The following ANKHD1 variants were observed in gnomAD, a reference collection of about 807,000 sequenced individuals.
The protein encoded by ANKHD1 is ankyrin repeat and KH domain containing 1, also known as ankyrin repeat and KH domain-containing protein 1.
ANKHD1 carries 31 observed loss-of-function variants against 230.5 expected under a neutral mutation model. The ratio of observed to expected loss-of-function variants is 0.13; its 90% CI spans 0.10 to 0.18. The LOEUF (loss-of-function observed/expected upper bound fraction) is 0.18, where lower values mean the gene tolerates loss of function less well. Among genes scored for constraint, ANKHD1 ranks in the 10% least tolerant of loss-of-function variants. ANKHD1 has a pLI of 1.00. For missense variants in ANKHD1, 2,256 were observed against 3,071.3 expected (o/e 0.73, Z 6.27); for synonymous variants, 1,074 against 1,117.6 (o/e 0.96, Z 0.78).
chr5:140,533,465 C>T (rs1395207481), intron 29 of ANKHD1, among the ~76,000 whole-genome samples: 2 of 151,888 alleles, frequency 1.3e-5, no homozygotes, highest in Non-Finnish European at 2.9e-5. Flanking sequence ...CAGGCGTGGT[C>T]GCAGGCACCT....
Position 140,527,788 on chromosome 5 carries a change from T to C in ANKHD1, c.5088-85T>C, listed in dbSNP as rs2127087393. 1 of 1,368,206 alleles carries C rather than the reference T, an allele frequency of 7.3e-7. No homozygotes were observed. The highest frequency in any genetic ancestry group is 9.5e-7 in the Non-Finnish European group (1 of 1,047,430). 84.8% of individuals were successfully genotyped at this position (1,368,206 alleles called of 1,614,324 possible). On this transcript the variant is annotated intron_variant, in intron 27 of 33. Coordinates refer to ENST00000360839, the MANE Select transcript of ANKHD1 (RefSeq NM_017747.3). The surrounding 1 kb of genome is among the most constrained non-coding windows in gnomAD (Gnocchi z 4.5). ...ATTTAAGAAATGTTATTCTCCAAAA[T>C]GTCCATGAACATACTTACTAAGACA...
rs1437349118 is a variant in ANKHD1, at chr5:140,482,571, C to A, written c.1783-9C>A. ...CATTGATGGATTATTTTTTCCATTT[C>A]TTTAACAGGAACATGAATCTGAAGG... On this transcript the variant is annotated splice_polypyrimidine_tract_variant and intron_variant, in intron 10 of 33. Coordinates refer to ENST00000360839, the MANE Select transcript of ANKHD1 (RefSeq NM_017747.3). The A allele has an allele frequency of 2.5e-6, 4 of 1,608,826 alleles. No homozygotes were observed. Among genetic ancestry groups the A allele is most frequent in the Non-Finnish European group, 2.5e-6 (3 of 1,178,120 alleles).
chr5:140,469,557 T>C (rs1387684752), intron 10 of ANKHD1, among the ~76,000 whole-genome samples: 2 of 151,978 alleles, frequency 1.3e-5, no homozygotes, highest in Non-Finnish European at 2.9e-5. Flanking sequence ...ATTAGCCCTA[T>C]TAATTGCTCC....
At chr5:140,525,357 G>C (rs1242093009) in intron 25 of ANKHD1, among the ~76,000 whole-genome samples, 1 of 151,722 alleles carries the variant, frequency 6.6e-6, no homozygotes, top group Admixed American at 6.6e-5. Context: ...CTGCCCCCCA[G>C]GTTCAGGTGA....
chr5:140,442,698 T>C (rs1280050070), intron 5 of ANKHD1, among the ~76,000 whole-genome samples: 2 of 152,200 alleles, frequency 1.3e-5, no homozygotes, highest in African/African-American at 2.4e-5. Flanking sequence ...GAAAATAATA[T>C]ATGCTCATTG....
chr5:140,403,283 T>C (rs1319209956), intron 1 of ANKHD1, among the ~76,000 whole-genome samples: 1 of 152,182 alleles, frequency 6.6e-6, no homozygotes, highest in Non-Finnish European at 1.5e-5. Flanking sequence ...ACCTTCACTC[T>C]GCCTTTGCAG....
intron 24 of ANKHD1, among the ~76,000 whole-genome samples, chr5:140,513,924 G>C (rs1039576043): frequency 1.3e-5 from 2 of 151,604 alleles, no homozygotes; most frequent in Non-Finnish European, 2.9e-5. Flanking sequence ...TCAACATAGA[G>C]AGGATGGCCT....
At position 140,440,106 on chromosome 5, in the gene ANKHD1, G is replaced by C. The variant is rs1773744608; in HGVS notation, c.618-13G>C. ...TTTTGTTTCGGTTAATTGTTGAATG[G>C]TTTTGTTTCCAGTCGCAGTCTAGCA... On this transcript the variant is annotated splice_polypyrimidine_tract_variant and intron_variant, in intron 3 of 33. Coordinates refer to ENST00000360839, the MANE Select transcript of ANKHD1 (RefSeq NM_017747.3). The C allele has an allele frequency of 6.3e-7, 1 of 1,591,818 alleles. No individual in the cohort carries two copies. Among genetic ancestry groups the C allele is most frequent in the Non-Finnish European group, 8.6e-7 (1 of 1,169,374 alleles).
At position 140,507,656 on chromosome 5, in the gene ANKHD1, G is replaced by A. The variant is rs192285665; in HGVS notation, c.3552-129G>A. 264 of 1,156,992 alleles carry A rather than the reference G, an allele frequency of 2.3e-4. 1 individual carries two copies. In the African/African-American group the frequency reaches 3.7e-3, roughly 16 times the overall value. The allele number at this position is 1,156,992 out of a possible 1,614,324, so 71.7% of individuals were successfully genotyped here. A position where few individuals can be genotyped will look rare whatever the true frequency, so the allele number is the denominator to read the frequency against. On this transcript the variant is annotated intron_variant, in intron 19 of 33. Coordinates refer to ENST00000360839, the MANE Select transcript of ANKHD1 (RefSeq NM_017747.3). The surrounding 1 kb of genome is among the most constrained non-coding windows in gnomAD (Gnocchi z 4.1). ...ATTTTCTTATTCTTTATTATTGGTCGAAACAAGTAAAATCTATTCATTGAT... is the reference window on the plus strand; with the variant it reads ...ATTTTCTTATTCTTTATTATTGGTCAAAACAAGTAAAATCTATTCATTGAT...
rs1399614017 is a variant in ANKHD1 at position 140,487,027 on chromosome 5, G to A, written c.2212G>A (p.Glu738Lys). ...CCAGGAACCTGACAGAACTTCACAGGAGAACTCTCCTGCCCTTTTAGGAGT... is the reference window on the plus strand; with the variant it reads ...CCAGGAACCTGACAGAACTTCACAGAAGAACTCTCCTGCCCTTTTAGGAGT... ...PPQEPDRTSQ[E>K]NSPALLGVQK... Residue 738 changes from glutamate (E) to lysine (K), a missense_variant, in exon 14 of 34, where the codon GAG becomes AAG. Glu to Lys is a moderately conservative substitution (Grantham distance 56). Around this residue, in one of 13 missense-constraint regions of ANKHD1, gnomAD observed 358 missense variants for 397.7 expected, o/e 0.90. Coordinates refer to ENST00000360839, the MANE Select transcript of ANKHD1 (RefSeq NM_017747.3). 7 of 1,613,304 alleles carry A rather than the reference G, an allele frequency of 4.3e-6. No individual in the cohort carries two copies. Among genetic ancestry groups the A allele is most frequent in the Non-Finnish European group, 5.9e-6 (7 of 1,179,602 alleles).
In ANKHD1 at chr5:140,510,110, G is replaced by T. The variant is rs774627679; in HGVS notation, c.4033G>T (p.Val1345Leu). ...GGHFDVVQLLVQAGADVDAAD... is the reference protein window; with the variant it reads ...GGHFDVVQLLLQAGADVDAAD... ...TCATTTTGATGTTGTGCAGTTGCTA[G>T]TGCAAGCAGGTGCTGATGTGGATGC... is the stretch of plus-strand genomic sequence containing the variant. The change falls in exon 22 of 34, where the codon GTG becomes TTG. Residue 1345 changes from valine (V) to leucine (L), a missense_variant. Physicochemically the swap from Val to Leu is conservative, Grantham distance 32 (BLOSUM62 1). Transcript: ENST00000360839. 6.2e-7 allele frequency: 1 copy of T among 1,614,096 alleles called. No homozygotes were observed. The highest frequency in any genetic ancestry group is 1.1e-5 in the South Asian group (1 of 91,078).
intron 25 of ANKHD1, among the ~76,000 whole-genome samples, 200 bp downstream of exon 25, chr5:140,524,440 G>C (rs375888253): frequency 6.6e-6 from 1 of 152,190 alleles, no homozygotes; most frequent in Non-Finnish European, 1.5e-5. Context: ...GAAAACAAGC[G>C]CATAATTTGA....
chr5:140,409,639 A>G (rs1046947719), intron 1 of ANKHD1, among the ~76,000 whole-genome samples: 2 of 148,310 alleles, frequency 1.3e-5, no homozygotes, highest in East Asian at 3.9e-4. Flanking sequence ...TGCAGCCTCC[A>G]CCTCCTGGGT....
At position 140,401,861 on chromosome 5, in the gene ANKHD1, G is replaced by C; in HGVS notation, c.-107G>C. ...GAGAAGTTAGTGGCGCTGCTGGGAC[G>C]GGGGAAAGGAGACGCTTCTTCCTCT... is the stretch of plus-strand genomic sequence containing the variant. On this transcript the variant is annotated 5_prime_UTR_variant, in exon 1 of 34. Coordinates refer to ENST00000360839, the MANE Select transcript of ANKHD1 (RefSeq NM_017747.3). 3.5e-6 allele frequency: 5 copies of C among 1,415,246 alleles called. No individual in the cohort carries two copies. The highest frequency in any genetic ancestry group is 1.6e-5 in the South Asian group (1 of 63,690). 87.7% of individuals were successfully genotyped at this position (1,415,246 alleles called of 1,614,324 possible).
chr5:140,525,945 G>C, intron 25 of ANKHD1, 51 bp from the exon 26 acceptor site: 5 of 1,514,346 alleles, frequency 3.3e-6, no homozygotes, highest in Non-Finnish European at 4.4e-6. Context: ...GTCAGAATTT[G>C]TTTTGAGATC....
intron 14 of ANKHD1, among the ~76,000 whole-genome samples, chr5:140,487,594 A>G (rs1268561391): frequency 1.3e-5 from 2 of 152,232 alleles, no homozygotes; most frequent in South Asian, 2.1e-4. Context: ...CCAAATGACT[A>G]TTAAGAAGGA....
chr5:140,526,535 G>A (rs566868784), intron 26 of ANKHD1, 92 bp downstream of exon 26: 5 of 1,453,790 alleles, frequency 3.4e-6, no homozygotes, highest in Non-Finnish European at 4.6e-6. Flanking sequence ...AGTACAAGTT[G>A]TGTTAAACAA....
At position 140,476,507 on chromosome 5, in the gene ANKHD1, C is replaced by G. The variant is rs1048984951; in HGVS notation, c.1783-6073C>G. Among the ~76,000 whole-genome samples, 111 of 149,628 alleles carry G rather than the reference C, an allele frequency of 7.4e-4. 2 individuals carry two copies. Among genetic ancestry groups the G allele is most frequent in the East Asian group, 7.7e-4 (4 of 5,180 alleles). ...AAACAACCATCAAAGTTTTGACCTT[C>G]TCATCAGCAATAATAAATTACAGAA... is the stretch of plus-strand genomic sequence containing the variant. On this transcript the variant is annotated intron_variant, in intron 10 of 33. Transcript: ENST00000360839.
At position 140,528,702 on chromosome 5, in the gene ANKHD1, C is replaced by A; in HGVS notation, c.5756C>A (p.Thr1919Asn). The change falls in exon 29 of 34, where the codon ACT becomes AAT. Residue 1919 changes from threonine (T) to asparagine (N), a missense_variant. By Grantham distance (65) the Thr-to-Asn change is moderately conservative. Transcript: ENST00000360839. ...AGCCGTCTACCTAACCAGAACGGGA[C>A]TGTTTTACCCTCAGAGTCTGCTGGA... Reference protein sequence around the residue: ...NTSRLPNQNGTVLPSESAGLA... With the variant: ...NTSRLPNQNGNVLPSESAGLA... 1 of 1,614,180 alleles carries A rather than the reference C, an allele frequency of 6.2e-7. No homozygotes were observed. The highest frequency in any genetic ancestry group is 1.3e-5 in the African/African-American group (1 of 75,046).
Sources: allele counts gnomAD v4.1 joint callset (sites outside exome capture counted in the v4.1 genomes callset), GRCh38; gene constraint gnomAD v4.1.1; regional missense constraint gnomAD v4.1.1; non-coding constraint Gnocchi (gnomAD v3.1); transcripts MANE v1.5; gene names NCBI Gene and HGNC (gene_info 2026-07-23, HGNC 2026-07-21).